PPP2R5E: variants seen among roughly 807,000 people sequenced by gnomAD.
PPP2R5E encodes serine/threonine-protein phosphatase 2A 56 kDa regulatory subunit epsilon isoform.
Under a neutral mutation model 65.3 loss-of-function variants are expected in PPP2R5E, and 4 were observed. The ratio of observed to expected loss-of-function variants is 0.06; its 90% CI spans 0.03 to 0.14. PPP2R5E has a LOEUF of 0.14. PPP2R5E is among the 10% of genes least tolerant of loss of function. The probability of loss-of-function intolerance (pLI) is 1.00; values close to 1 mark genes in which losing one functional copy is unlikely to be tolerated. For synonymous variants in PPP2R5E, 183 were observed against 187.4 expected, an observed-to-expected ratio of 0.98 and a Z score of 0.19; for missense variants, 274 against 556.1, an observed-to-expected ratio of 0.49 and a Z score of 5.10.
chr14:63,518,989 C>A (rs1434609993), intron 2 of PPP2R5E, among the ~76,000 whole-genome samples: 1 of 152,200 alleles, frequency 6.6e-6, no homozygotes, highest in African/African-American at 2.4e-5. Flanking sequence ...GAGGCCAAGA[C>A]AGGCAGATCA....
intron 2 of PPP2R5E, among the ~76,000 whole-genome samples, chr14:63,502,407 G>A (rs901022076): frequency 3.9e-5 from 6 of 152,166 alleles, no homozygotes; most frequent in African/African-American, 1.4e-4. Context: ...CCAGGATGCA[G>A]TGGCTCACGC....
chr14:63,499,326 G>A (rs1157151265), intron 2 of PPP2R5E, among the ~76,000 whole-genome samples: 2 of 152,220 alleles, frequency 1.3e-5, no homozygotes, highest in Non-Finnish European at 2.9e-5. Context: ...ACCTCACTGT[G>A]AAACTAGAAG....
chr14:63,403,375 G>A (rs553601499), intron 5 of PPP2R5E, among the ~76,000 whole-genome samples: 1 of 127,592 alleles, frequency 7.8e-6, no homozygotes, highest in South Asian at 2.5e-4. Flanking sequence ...GCGACAAAGC[G>A]AGAGTCTGTC....
rs1369328517 is a variant in PPP2R5E, at chr14:63,374,636, TATA to T, written c.*1370_*1372del. 0.019 allele frequency: 781 copies of T among 42,172 alleles called. 27 individuals carry two copies. Among genetic ancestry groups the T allele is most frequent in the East Asian group, 0.11 (420 of 3,714 alleles). 2.6% of individuals were successfully genotyped at this position (42,172 alleles called of 1,614,324 possible). A position where few individuals can be genotyped will look rare whatever the true frequency, so the allele number is the denominator to read the frequency against. On this transcript the variant is annotated 3_prime_UTR_variant, in exon 14 of 14. Coordinates refer to ENST00000337537, the MANE Select transcript of PPP2R5E (RefSeq NM_006246.5). ...AATACAAAGCAGAGAGCCAATAAGA[TATA>T]TATATATATATATATATATATATAT...
At chr14:63,465,470 A>AG (rs1397882401) in intron 2 of PPP2R5E, among the ~76,000 whole-genome samples, 1 of 78,148 alleles carries the variant, frequency 1.3e-5, no homozygotes, top group Admixed American at 1.0e-4. Context: ...AAAAAAAAAA[A>AG]AAACAACAAC....
intron 2 of PPP2R5E, among the ~76,000 whole-genome samples, chr14:63,517,725 T>C (rs757648049): frequency 1.3e-5 from 2 of 152,356 alleles, no homozygotes; most frequent in African/African-American, 4.8e-5. Context: ...TGGATTCAAT[T>C]TTTAACTTCA....
chr14:63,381,342 C>T (rs1370436250), intron 13 of PPP2R5E, among the ~76,000 whole-genome samples: 1 of 149,034 alleles, frequency 6.7e-6, no homozygotes, highest in Non-Finnish European at 1.5e-5. Flanking sequence ...ATAAATGGTG[C>T]CTCATTCCCC....
Position 63,396,727 on chromosome 14 carries a change from T to A in PPP2R5E, c.550-11A>T. On this transcript the variant is annotated splice_polypyrimidine_tract_variant and intron_variant, in intron 5 of 13. Transcript: ENST00000337537. ...AAATAGCTCCAGAAGCTGTTGTAAA[T>A]GAAAGACATTATAGCTGTCAAAGGC... The A allele has an allele frequency of 2.5e-6, 4 of 1,613,034 alleles. No homozygotes were observed. Among genetic ancestry groups the A allele is most frequent in the Non-Finnish European group, 2.5e-6 (3 of 1,179,506 alleles).
intron 8 of PPP2R5E, 77 bp from the exon 9 acceptor site, chr14:63,392,102 TC>T: frequency 1.8e-6 from 2 of 1,112,168 alleles, no homozygotes; most frequent in East Asian, 2.5e-5. Flanking sequence ...TATTAAAACT[TC>T]CTAAAAGGTT....
rs770094217 is a variant in PPP2R5E, at chr14:63,379,818, T to TTCTCTCTCTC, written c.1304+2237_1304+2238insGAGAGAGAGA. ...AGTGGAAATAAGTTGTTCTTCAATA[T>TTCTCTCTCTC]TCTCTCTCTTTTTTTTTTTTTTTTT... is the stretch of plus-strand genomic sequence containing the variant. On this transcript the variant is annotated intron_variant, in intron 13 of 13. Coordinates refer to ENST00000337537, the MANE Select transcript of PPP2R5E (RefSeq NM_006246.5). Among the ~76,000 whole-genome samples the TTCTCTCTCTC allele has an allele frequency of 6.0e-5, 7 of 117,042 alleles. No individual in the cohort carries two copies. The East Asian group carries it at 2.3e-3, about 38-fold the overall frequency. The allele number at this position is 117,042 out of a possible 152,430, so 76.8% of individuals were successfully genotyped here.
chr14:63,419,253 T>C (rs1001961690), intron 4 of PPP2R5E, among the ~76,000 whole-genome samples: 1 of 152,216 alleles, frequency 6.6e-6, no homozygotes, highest in Non-Finnish European at 1.5e-5. Flanking sequence ...CACATCTCAA[T>C]GTCATTTTGT....
chr14:63,480,357 G>A (rs1890633597), intron 2 of PPP2R5E, among the ~76,000 whole-genome samples: 1 of 152,154 alleles, frequency 6.6e-6, no homozygotes, highest in Non-Finnish European at 1.5e-5. Flanking sequence ...TCGGGAGGCT[G>A]AGGTGGGAGA....
chr14:63,390,294 CGACACA>C (rs1884939222), intron 10 of PPP2R5E, among the ~76,000 whole-genome samples: 1 of 123,020 alleles, frequency 8.1e-6, no homozygotes, highest in Non-Finnish European at 1.5e-5. Context: ...GACGCATTCT[CGACACA>C]CACACACACA....
rs1886510524 is a variant in PPP2R5E, at chr14:63,413,369, T to C, written c.549+1771A>G. Among the ~76,000 whole-genome samples the C allele has an allele frequency of 7.2e-5, 11 of 152,326 alleles. 1 individual carries two copies. The South Asian group carries it at 2.3e-3, about 32-fold the overall frequency. ...TAATTCACAAAAAATAGGAGAACCC[T>C]ATTATTTCATTAGTCTTCAGATGTG... On this transcript the variant is annotated intron_variant, in intron 5 of 13. Transcript: ENST00000337537.
At chr14:63,496,158 T>C (rs1891556316) in intron 2 of PPP2R5E, among the ~76,000 whole-genome samples, 1 of 152,172 alleles carries the variant, frequency 6.6e-6, no homozygotes, top group Non-Finnish European at 1.5e-5. Context: ...GATGTATTGG[T>C]GTTCACCGTT....
chr14:63,520,775 G>A lies in PPP2R5E; in HGVS notation c.157+18754C>T, dbSNP rs925640989. On this transcript the variant is annotated intron_variant, in intron 2 of 13. Coordinates refer to ENST00000337537, the MANE Select transcript of PPP2R5E (RefSeq NM_006246.5). ...TCACATCTGTAATCCCAGCACTTTGGGAGGCCGAGGCGGGTGGATCACGAG... is the reference window on the plus strand; with the variant it reads ...TCACATCTGTAATCCCAGCACTTTGAGAGGCCGAGGCGGGTGGATCACGAG... Among the ~76,000 whole-genome samples, 5 of 151,140 alleles carry A rather than the reference G, an allele frequency of 3.3e-5. No individual in the cohort carries two copies. The East Asian group carries it at 7.8e-4, about 24-fold the overall frequency.
chr14:63,475,777 TAA>T (rs1220619387), intron 2 of PPP2R5E, among the ~76,000 whole-genome samples: 3 of 151,664 alleles, frequency 2.0e-5, no homozygotes. Context: ...TTAAAAAACA[TAA>T]GATAGTTTTT....
At chr14:63,461,418 T>C (rs1176161647) in intron 2 of PPP2R5E, among the ~76,000 whole-genome samples, 3 of 151,988 alleles carry the variant, frequency 2.0e-5, no homozygotes, top group Non-Finnish European at 2.9e-5. Context: ...ATTTTCACTA[T>C]AATTTCATAA....
chr14:63,537,817 G>A (rs1434000508), intron 2 of PPP2R5E, among the ~76,000 whole-genome samples: 3 of 152,054 alleles, frequency 2.0e-5, no homozygotes, highest in Non-Finnish European at 4.4e-5. Context: ...CCATTCTTCA[G>A]TATTCAGCAC....
Sources: gnomAD v4.1 joint callset for allele counts (sites outside exome capture counted in the v4.1 genomes callset) on GRCh38, gnomAD v4.1.1 for gene constraint, MANE v1.5 for transcripts, NCBI Gene and HGNC (gene_info 2026-07-23, HGNC 2026-07-21) for gene names.